CPNE4: variants seen among roughly 807,000 people sequenced by gnomAD.
The protein encoded by CPNE4 is copine-4.
CPNE4 carries 25 observed loss-of-function variants against 67.9 expected under a neutral mutation model. The ratio of observed to expected loss-of-function variants is 0.37; its 90% CI spans 0.27 to 0.51. The LOEUF (loss-of-function observed/expected upper bound fraction) is 0.51, where lower values mean the gene tolerates loss of function less well. Ranked by LOEUF, CPNE4 falls within the 20% of genes least tolerant of loss-of-function variation. CPNE4 has a pLI of 0.93. For missense variants in CPNE4, 464 were observed against 690.8 expected, an observed-to-expected ratio of 0.67 and a Z score of 3.68; for synonymous variants, 242 against 244.9, an observed-to-expected ratio of 0.99 and a Z score of 0.11.
At chr3:131,789,862 T>C (rs745680986) in intron 2 of CPNE4, among the ~76,000 whole-genome samples, 2 of 152,092 alleles carry the variant, frequency 1.3e-5, no homozygotes, top group Non-Finnish European at 2.9e-5. Context: ...CAAGCAACCT[T>C]AGAAGCACAA....
chr3:132,025,081 G>A (rs79893409), intron 1 of CPNE4, among the ~76,000 whole-genome samples: 1,983 of 152,308 alleles, frequency 0.013, 17 homozygotes, highest in Non-Finnish European at 0.022. Flanking sequence ...GTTTTAACAA[G>A]CCCTCCAGGA....
At chr3:131,937,405 G>T (rs1432837523) in intron 1 of CPNE4, among the ~76,000 whole-genome samples, 1 of 152,074 alleles carries the variant, frequency 6.6e-6, no homozygotes, top group Non-Finnish European at 1.5e-5. Flanking sequence ...AAGAGCTAAA[G>T]ATTTTAAATA....
At chr3:131,688,553 G>A (rs2080952521) in intron 5 of CPNE4, among the ~76,000 whole-genome samples, 1 of 152,100 alleles carries the variant, frequency 6.6e-6, no homozygotes, top group Non-Finnish European at 1.5e-5. Flanking sequence ...GTTCCTACGT[G>A]CCCTTGGGCT....
At chr3:131,837,676 C>G (rs1258894399) in intron 2 of CPNE4, among the ~76,000 whole-genome samples, 3 of 151,850 alleles carry the variant, frequency 2.0e-5, no homozygotes, top group African/African-American at 7.3e-5. Context: ...GAACTATATA[C>G]TACCCTCCAC....
intron 7 of CPNE4, among the ~76,000 whole-genome samples, chr3:131,618,707 G>A (rs1940299996): frequency 6.6e-6 from 1 of 152,108 alleles, no homozygotes. Context: ...GTTAGAGAAG[G>A]CATTTCACAA....
chr3:131,641,193 T>C (rs1305668912), intron 7 of CPNE4, among the ~76,000 whole-genome samples: 1 of 152,100 alleles, frequency 6.6e-6, no homozygotes, highest in Non-Finnish European at 1.5e-5. Flanking sequence ...AAAAAGCTTC[T>C]GCACAGTAAA....
intron 7 of CPNE4, among the ~76,000 whole-genome samples, chr3:131,666,356 C>A (rs2107649974): frequency 6.6e-6 from 1 of 151,950 alleles, no homozygotes; most frequent in South Asian, 2.1e-4. Context: ...CCACAGAGAC[C>A]TTAAATACTA....
At chr3:131,575,468 A>G (rs188172571) in intron 9 of CPNE4, among the ~76,000 whole-genome samples, 69 of 152,212 alleles carry the variant, frequency 4.5e-4, no homozygotes, top group African/African-American at 1.6e-3. Flanking sequence ...CTCACACTTG[A>G]CTTCAGTCTT....
chr3:131,931,556 T>TAGGA (rs2071060354), intron 1 of CPNE4, among the ~76,000 whole-genome samples: 1 of 152,104 alleles, frequency 6.6e-6, no homozygotes, highest in Non-Finnish European at 1.5e-5. Flanking sequence ...TTAGGTATCC[T>TAGGA]TACCTAATTG....
At chr3:131,855,275 T>A (rs919173318) in intron 2 of CPNE4, among the ~76,000 whole-genome samples, 3 of 151,950 alleles carry the variant, frequency 2.0e-5, no homozygotes, top group Admixed American at 6.6e-5. Flanking sequence ...GGCTAGCATA[T>A]GTTAAGGCAT....
intron 1 of CPNE4, among the ~76,000 whole-genome samples, chr3:131,968,554 G>C (rs1228011625): frequency 6.6e-6 from 1 of 152,184 alleles, no homozygotes; most frequent in Non-Finnish European, 1.5e-5. Flanking sequence ...GATATGAACA[G>C]ACACTTCTTT....
Position 132,034,980 on chromosome 3 carries a change from G to A in CPNE4, c.-415C>T, listed in dbSNP as rs1484320834. The A allele has an allele frequency of 2.0e-6, 2 of 985,484 alleles. No homozygotes were observed. Among genetic ancestry groups the A allele is most frequent in the Non-Finnish European group, 2.4e-6 (2 of 830,134 alleles). The allele number at this position is 985,484 out of a possible 1,614,324, so 61.0% of individuals were successfully genotyped here. A position where few individuals can be genotyped will look rare whatever the true frequency, so the allele number is the denominator to read the frequency against. On this transcript the variant is annotated 5_prime_UTR_variant, in exon 1 of 16. Transcript: ENST00000429747. ...GGGGACGAGCGGGTGGCGGGGAGAT[G>A]GCAGCTTCTCACAGAGAGATTTCCA...
In CPNE4 at chr3:131,969,817, G is replaced by A. The variant is rs2072456036; in HGVS notation, c.-1-64373C>T. Among the ~76,000 whole-genome samples, 3 of 152,180 alleles carry A rather than the reference G, an allele frequency of 2.0e-5. 1 individual carries two copies. In the South Asian group the frequency reaches 6.2e-4, roughly 32 times the overall value. On this transcript the variant is annotated intron_variant, in intron 1 of 15. Transcript: ENST00000429747. ...ATAAAACAAAACAAAACAAAAGCAT[G>A]CACTTTGAAATCAGACCTAAGGACC...
At chr3:131,606,444 T>G (rs1261067211) in intron 7 of CPNE4, among the ~76,000 whole-genome samples, 1 of 152,142 alleles carries the variant, frequency 6.6e-6, no homozygotes, top group Non-Finnish European at 1.5e-5. Context: ...TTCTGGGTGT[T>G]TATAGTAGAT....
intron 7 of CPNE4, among the ~76,000 whole-genome samples, chr3:131,667,564 G>A (rs2080296580): frequency 6.6e-6 from 1 of 151,888 alleles, no homozygotes; most frequent in Non-Finnish European, 1.5e-5. Flanking sequence ...AACGTCAATA[G>A]TGCACGTGTG....
chr3:131,860,621 T>A (rs1238620342), intron 2 of CPNE4, among the ~76,000 whole-genome samples: 1 of 152,172 alleles, frequency 6.6e-6, no homozygotes, highest in African/African-American at 2.4e-5. Context: ...TTAGGTCAGA[T>A]AGACTTTATT....
intron 7 of CPNE4, among the ~76,000 whole-genome samples, chr3:131,631,094 G>A (rs2079209264): frequency 6.6e-6 from 1 of 152,158 alleles, no homozygotes; most frequent in Admixed American, 6.5e-5. Context: ...AATTACAATT[G>A]CATGCAGAAT....
At chr3:131,796,234 G>C (rs903897007) in intron 2 of CPNE4, among the ~76,000 whole-genome samples, 1 of 151,732 alleles carries the variant, frequency 6.6e-6, no homozygotes, top group African/African-American at 2.4e-5. Context: ...GCCATCTTGT[G>C]AGAAGACTTC....
chr3:132,019,604 C>T (rs928655962), intron 1 of CPNE4, among the ~76,000 whole-genome samples: 35 of 152,010 alleles, frequency 2.3e-4, no homozygotes, highest in African/African-American at 7.7e-4. Flanking sequence ...ATAATAAAGG[C>T]AACTGATAAA....
Sources: allele counts gnomAD v4.1 joint callset (sites outside exome capture counted in the v4.1 genomes callset), GRCh38; gene constraint gnomAD v4.1.1; transcripts MANE v1.5; gene names NCBI Gene and HGNC (gene_info 2026-07-23, HGNC 2026-07-21).